Variants in PLRG1 observed in about 807,000 individuals in gnomAD.
PLRG1 encodes the protein pleiotropic regulator 1 (PRL1 homolog, Arabidopsis).
Under a neutral mutation model 74.9 loss-of-function variants are expected in PLRG1, and 28 were observed. The ratio of observed to expected loss-of-function variants is 0.37; its 90% CI spans 0.28 to 0.51. The LOEUF is 0.51. Ranked by LOEUF, PLRG1 falls within the 20% of genes least tolerant of loss-of-function variation. The pLI is 0.91. For missense variants in PLRG1, 445 were observed against 631.9 expected, an observed-to-expected ratio of 0.70 and a Z score of 3.17; for synonymous variants, 197 against 212.4, an observed-to-expected ratio of 0.93 and a Z score of 0.63.
chr4:154,545,353 A>AAAT (rs10676790), intron 6 of PLRG1, among the ~76,000 whole-genome samples: 46,343 of 151,944 alleles, frequency 0.31, 7,249 homozygotes, highest in Middle Eastern at 0.38. Context: ...TAACTATAGA[A>AAAT]AATTCAACAA....
intron 11 of PLRG1, among the ~76,000 whole-genome samples, chr4:154,539,485 G>A (rs1290719094): frequency 1.3e-5 from 2 of 151,880 alleles, no homozygotes; most frequent in African/African-American, 4.8e-5. Flanking sequence ...ATACCCTAGT[G>A]AAAAGGAAAA....
At chr4:154,549,606 G>C in intron 1 of PLRG1, 1 of 448,114 alleles carries the variant, frequency 2.2e-6, no homozygotes, top group Non-Finnish European at 4.5e-6. Flanking sequence ...CCTATATTTT[G>C]TTCTAGCAAC....
intron 1 of PLRG1, 66 bp downstream of exon 1, chr4:154,550,234 C>G: frequency 2.2e-6 from 3 of 1,388,782 alleles, no homozygotes; most frequent in Non-Finnish European, 3.1e-6. Flanking sequence ...CTCAATCCCC[C>G]ACGCGCACTG....
chr4:154,541,382 G>T (rs1315169717), intron 8 of PLRG1, among the ~76,000 whole-genome samples: 1 of 152,122 alleles, frequency 6.6e-6, no homozygotes, highest in African/African-American at 2.4e-5. Flanking sequence ...CCAATGTGCT[G>T]AAAAGGATCC....
At chr4:154,547,160 G>T (rs1238162540) in intron 3 of PLRG1, 96 bp from the exon 4 acceptor site, 1 of 899,556 alleles carries the variant, frequency 1.1e-6, no homozygotes, top group Non-Finnish European at 1.8e-6. Context: ...GTTTTCAACT[G>T]GATCTATCAA....
intron 4 of PLRG1, chr4:154,546,455 T>G (rs1729657666): frequency 6.6e-6 from 3 of 453,624 alleles, no homozygotes; most frequent in African/African-American, 6.1e-5. Context: ...CAGCCCAGAA[T>G]AGTAAAGTTA....
At chr4:154,544,365 C>T (rs1011610016) in intron 7 of PLRG1, 80 bp downstream of exon 7, 6 of 826,076 alleles carry the variant, frequency 7.3e-6, no homozygotes, top group African/African-American at 5.1e-5. Flanking sequence ...ACTCTTTTTC[C>T]TCCTTATTCT....
chr4:154,547,091 G>A (rs905818861), intron 3 of PLRG1, 27 bp from the exon 4 acceptor site: 5 of 1,553,352 alleles, frequency 3.2e-6, no homozygotes. Flanking sequence ...AAAATCAACA[G>A]TAGTGAATTT....
intron 14 of PLRG1, among the ~76,000 whole-genome samples, 194 bp from the exon 15 acceptor site, chr4:154,536,938 G>A (rs1004828412): frequency 6.6e-6 from 1 of 152,048 alleles, no homozygotes; most frequent in African/African-American, 2.4e-5. Context: ...GATTCATTAT[G>A]TTTAGTTTGT....
Position 154,540,938 on chromosome 4 carries a change from C to A in PLRG1, c.688-4G>T. On this transcript the variant is annotated splice_polypyrimidine_tract_variant and splice_region_variant and intron_variant, in intron 8 of 14. Transcript: ENST00000499023. ...TGCCACTAGCCAAGTCCCAGATCTG[C>A]AATCAAAGAATATTTATTTTTTTCT... The A allele has an allele frequency of 6.3e-7, 1 of 1,577,350 alleles. No homozygotes were observed. Among genetic ancestry groups the A allele is most frequent in the South Asian group, 1.2e-5 (1 of 82,038 alleles).
rs201014501 is a variant in PLRG1 at position 154,547,766 on chromosome 4, C to G, written c.204G>C (p.Lys68Asn). ...MPTSKENLKE[K>N]GPQNATDSYV... ...ATGAATCCGTTGCATTCTGAGGACCCTTCTCTTTAAGATTTTCTTTTGAAG... is the reference window on the plus strand; with the variant it reads ...ATGAATCCGTTGCATTCTGAGGACCGTTCTCTTTAAGATTTTCTTTTGAAG... Residue 68 changes from lysine to asparagine, a missense_variant, in exon 3 of 15, where the codon AAG (lysine) becomes AAC (asparagine). By Grantham distance (94) the Lys-to-Asn change is moderately conservative. Coordinates refer to ENST00000499023, the MANE Select transcript of PLRG1 (RefSeq NM_002669.4). 1.2e-6 allele frequency: 2 copies of G among 1,612,960 alleles called. No individual in the cohort carries two copies. Among genetic ancestry groups the G allele is most frequent in the Non-Finnish European group, 1.7e-6 (2 of 1,179,038 alleles).
At chr4:154,544,261 G>A (rs542346837) in intron 7 of PLRG1, among the ~76,000 whole-genome samples, 184 bp downstream of exon 7, 236 of 152,176 alleles carry the variant, frequency 1.6e-3, no homozygotes, top group African/African-American at 5.5e-3. Context: ...TATAACTTTT[G>A]CTTAAGGAAG....
At chr4:154,545,696 C>CT in intron 6 of PLRG1, 140 bp downstream of exon 6, 1 of 522,818 alleles carries the variant, frequency 1.9e-6, no homozygotes, top group Non-Finnish European at 3.5e-6. Context: ...CGTTAATTTA[C>CT]TACCAACTTG....
Position 154,544,532 on chromosome 4 carries a change from A to T in PLRG1, c.507T>A (p.Thr169=). Residue 169 remains threonine (T), a synonymous_variant, in exon 7 of 15, where the codon ACT becomes ACA. Coordinates refer to ENST00000499023, the MANE Select transcript of PLRG1 (RefSeq NM_002669.4). ...PTAMNSIVME[T]GNTKNSALMA... The stretch of plus-strand genomic sequence containing the variant: ...TCAGTGCAGAGTTCTTGGTATTGCC[A>T]GTCTCCATGACAATCTAGACATAGA... The T allele has an allele frequency of 6.2e-7, 1 of 1,601,698 alleles. No homozygotes were observed. Among genetic ancestry groups the T allele is most frequent in the Non-Finnish European group, 8.6e-7 (1 of 1,168,756 alleles).
intron 7 of PLRG1, chr4:154,543,887 T>C (rs1729600512): frequency 6.6e-6 from 1 of 152,270 alleles, no homozygotes; most frequent in Admixed American, 6.5e-5. Flanking sequence ...GAAATGTATT[T>C]ATGGAGTACA....
chr4:154,541,990 A>C, intron 8 of PLRG1, 197 bp downstream of exon 8: 2 of 550,512 alleles, frequency 3.6e-6, no homozygotes, highest in Non-Finnish European at 6.5e-6. Flanking sequence ...AGGTAAAGAA[A>C]AAGTGGTTTA....
intron 6 of PLRG1, among the ~76,000 whole-genome samples, chr4:154,545,033 T>C (rs1398016089): frequency 6.6e-6 from 1 of 152,212 alleles, no homozygotes; most frequent in East Asian, 1.9e-4. Context: ...AATACAATAT[T>C]TAAATACTAT....
rs768069385 is a variant in PLRG1 at position 154,545,909 on chromosome 4, C to G, written c.419G>C (p.Arg140Pro). 6.2e-7 allele frequency: 1 copy of G among 1,608,548 alleles called. No individual in the cohort carries two copies. Among genetic ancestry groups the G allele is most frequent in the Non-Finnish European group, 8.5e-7 (1 of 1,175,332 alleles). ...GTATTCACTTCCACTAGGGGCAGTA[C>G]GATTTGCATCAGCCCTGGGGCAAAA... ...LPLQTKADAN[R>P]TAPSGSEYRH... Residue 140 changes from arginine to proline, a missense_variant, in exon 6 of 15, where the codon CGT becomes CCT. Physicochemically the swap from Arg to Pro is moderately radical, Grantham distance 103. Coordinates refer to ENST00000499023, the MANE Select transcript of PLRG1 (RefSeq NM_002669.4).
rs936546331 is a variant in PLRG1 at position 154,535,206 on chromosome 4, CAA to C, written c.*1477_*1478del. On this transcript the variant is annotated 3_prime_UTR_variant, in exon 15 of 15. Transcript: ENST00000499023. ...TGCTTGCACAACTTTTTTTTTTACC[CAA>C]GTTTAGAAATCTTGCCCTAATAATC... is the stretch of plus-strand genomic sequence containing the variant. The C allele has an allele frequency of 2.0e-5, 3 of 151,254 alleles. No homozygotes were observed. Among genetic ancestry groups the C allele is most frequent in the African/African-American group, 7.3e-5 (3 of 41,134 alleles). 9.4% of individuals were successfully genotyped at this position (151,254 alleles called of 1,614,324 possible). A position where few individuals can be genotyped will look rare whatever the true frequency, so the allele number is the denominator to read the frequency against.
Sources: allele counts gnomAD v4.1 joint callset (sites outside exome capture counted in the v4.1 genomes callset), GRCh38; gene constraint gnomAD v4.1.1; transcripts MANE v1.5; gene names NCBI Gene and HGNC (gene_info 2026-07-23, HGNC 2026-07-21).